The following USH2A variants were observed in gnomAD, a reference collection of about 807,000 sequenced individuals.
USH2A encodes the protein usherin.
In USH2A, 443 loss-of-function variants were observed where a neutral mutation model predicts 538.9. The observed-to-expected ratio is 0.82, with a 90% confidence interval of 0.76 to 0.89. The LOEUF (loss-of-function observed/expected upper bound fraction) is 0.89. Ranked by LOEUF, USH2A falls within the 40% of genes least tolerant of loss-of-function variation. The pLI, the probability that USH2A is intolerant of heterozygous loss-of-function variation, is 0.00. For missense variants in USH2A, 6,633 were observed against 6,324.8 expected (o/e 1.05, Z -1.65); for synonymous variants, 2,413 against 2,273.5 (o/e 1.06, Z -1.75).
At chr1:216,264,896 A>G (rs2036442935) in intron 11 of USH2A, among the ~76,000 whole-genome samples, 1 of 152,102 alleles carries the variant, frequency 6.6e-6, no homozygotes, top group Admixed American at 6.6e-5. Context: ...CCCGTCTCTC[A>G]CCATATACAA....
chr1:215,662,941 G>A (rs1450196748), intron 64 of USH2A, among the ~76,000 whole-genome samples: 1 of 152,184 alleles, frequency 6.6e-6, no homozygotes, highest in Non-Finnish European at 1.5e-5. Flanking sequence ...AAGGGTGACA[G>A]CAATAGAAAA....
chr1:215,965,626 A>G (rs1667323648), intron 36 of USH2A, 147 bp from the exon 37 acceptor site: 1 of 928,472 alleles, frequency 1.1e-6, no homozygotes, highest in Non-Finnish European at 1.6e-6. Flanking sequence ...TTTTGTCAGC[A>G]GGATCAAAGC....
chr1:216,070,600 G>A (rs2031526682), intron 29 of USH2A, among the ~76,000 whole-genome samples: 1 of 152,036 alleles, frequency 6.6e-6, no homozygotes, highest in African/African-American at 2.4e-5. Context: ...GAGGTGGATG[G>A]TAGGCAGATA....
At position 215,813,902 on chromosome 1, in the gene USH2A, A is replaced by T. The variant is rs762767600; in HGVS notation, c.9573T>A (p.Val3191=). The change falls in exon 49 of 72, where the codon GTT becomes GTA. Residue 3191 remains valine (V), a splice_region_variant and synonymous_variant. Transcript: ENST00000307340. ...GHICYSSEAK[V]CCNGVLYNPK... is the part of the protein sequence containing the mutation. ...GGTTATAGAGCACTCCGTTACAACA[A>T]ACCTGAAAGTTTGAAAACAGTTTTA... 1.2e-6 allele frequency: 2 copies of T among 1,613,722 alleles called. No homozygotes were observed. Among genetic ancestry groups the T allele is most frequent in the South Asian group, 2.2e-5 (2 of 91,082 alleles).
chr1:216,176,214 G>A (rs1277353275), intron 20 of USH2A, among the ~76,000 whole-genome samples: 1 of 151,898 alleles, frequency 6.6e-6, no homozygotes, highest in Non-Finnish European at 1.5e-5. Flanking sequence ...CAATGTGCCA[G>A]GGGTAACCTT....
At chr1:216,232,215 GA>G in intron 13 of USH2A, 79 bp from the exon 14 acceptor site, 6 of 1,446,226 alleles carry the variant, frequency 4.1e-6, no homozygotes, top group Non-Finnish European at 5.6e-6. Flanking sequence ...TGATTACACA[GA>G]AAAACAGAAT....
intron 38 of USH2A, among the ~76,000 whole-genome samples, chr1:215,903,671 T>G (rs1396892876): frequency 1.3e-5 from 2 of 152,022 alleles, no homozygotes; most frequent in Non-Finnish European, 2.9e-5. Flanking sequence ...TGTAGAGCAG[T>G]GAGTAGATTC....
chr1:215,799,025 A>C lies in USH2A; in HGVS notation c.9840T>G (p.Ile3280Met). The change falls in exon 50 of 72, where the codon ATT becomes ATG. Residue 3280 changes from isoleucine to methionine, a missense_variant. Transcript: ENST00000307340. ...CATCATGAAGCCTCCCAGCACAGCAAATCTGGTTTCCTGAGGTGGAGTACG... is the reference window on the plus strand; with the variant it reads ...CATCATGAAGCCTCCCAGCACAGCACATCTGGTTTCCTGAGGTGGAGTACG... ...RMPYSTSGNQ[I>M]CCAGRLHDGH... is the part of the protein sequence containing the mutation. 1 of 1,614,122 alleles carries C rather than the reference A, an allele frequency of 6.2e-7. No individual in the cohort carries two copies. Among genetic ancestry groups the C allele is most frequent in the Non-Finnish European group, 8.5e-7 (1 of 1,180,010 alleles).
chr1:215,780,152 G>C lies in USH2A; in HGVS notation c.10741-111C>G, dbSNP rs1168971485. 4.1e-6 allele frequency: 5 copies of C among 1,206,326 alleles called. No individual in the cohort carries two copies. The Middle Eastern group carries it at 7.2e-4, about 175-fold the overall frequency. The allele number at this position is 1,206,326 out of a possible 1,614,324, so 74.7% of individuals were successfully genotyped here. A position where few individuals can be genotyped will look rare whatever the true frequency, so the allele number is the denominator to read the frequency against. On this transcript the variant is annotated intron_variant, in intron 54 of 71. Coordinates refer to ENST00000307340, the MANE Select transcript of USH2A (RefSeq NM_206933.4). ...TGTTGTCTGGCCTGGCATATCATTA[G>C]CAGGGGCTTGGAGAAGCATTTCCCT... is the stretch of plus-strand genomic sequence containing the variant.
chr1:216,247,031 T>C lies in USH2A; in HGVS notation c.2363A>G (p.Asp788Gly). The change falls in exon 13 of 72, where the codon GAT (aspartate) becomes GGT (glycine). Residue 788 changes from aspartate to glycine, a missense_variant. Asp to Gly is a moderately conservative substitution (Grantham distance 94, BLOSUM62 -1). Coordinates refer to ENST00000307340, the MANE Select transcript of USH2A (RefSeq NM_206933.4). ...GTCACAGGCCTTACAATTGGTGACA[T>C]CTAACCCATAAAAGTTTTCTCTGCA... ...DTCRENFYGL[D>G]VTNCKACDCD... The C allele has an allele frequency of 6.2e-7, 1 of 1,614,046 alleles. No homozygotes were observed. The highest frequency in any genetic ancestry group is 8.5e-7 in the Non-Finnish European group (1 of 1,179,972).
chr1:215,847,928 A>C (rs1663909013), intron 44 of USH2A, among the ~76,000 whole-genome samples: 1 of 152,186 alleles, frequency 6.6e-6, no homozygotes, highest in Admixed American at 6.5e-5. Context: ...AATAGTTAAA[A>C]GGGTATGATG....
At chr1:216,099,364 T>C (rs1003308842) in intron 21 of USH2A, among the ~76,000 whole-genome samples, 1 of 152,146 alleles carries the variant, frequency 6.6e-6, no homozygotes, top group Non-Finnish European at 1.5e-5. Context: ...TTTTCAGTAG[T>C]CAAACACACT....
At chr1:216,078,892 G>T (rs971096208) in intron 26 of USH2A, among the ~76,000 whole-genome samples, 1 of 151,784 alleles carries the variant, frequency 6.6e-6, no homozygotes, top group Non-Finnish European at 1.5e-5. Flanking sequence ...TCAATATTTC[G>T]GTTTTATTCT....
At chr1:216,156,044 TAAAATTACGTTC>T (rs2033930720) in intron 21 of USH2A, among the ~76,000 whole-genome samples, 1 of 152,144 alleles carries the variant, frequency 6.6e-6, no homozygotes, top group Non-Finnish European at 1.5e-5. Flanking sequence ...TAAAGATGAA[TAAAATTACGTTC>T]AAAATTTTCA....
intron 67 of USH2A, among the ~76,000 whole-genome samples, chr1:215,645,135 C>T (rs1571926956): frequency 1.3e-5 from 2 of 152,008 alleles, no homozygotes; most frequent in East Asian, 1.9e-4. Context: ...TGGAAAATTA[C>T]AAGACAAGGA....
intron 30 of USH2A, among the ~76,000 whole-genome samples, chr1:216,049,922 C>G (rs2030682756): frequency 6.6e-6 from 1 of 152,160 alleles, no homozygotes; most frequent in African/African-American, 2.4e-5. Context: ...GTCATCTTAG[C>G]TCATGGCCAA....
intron 60 of USH2A, 144 bp downstream of exon 60, chr1:215,741,231 C>T: frequency 9.7e-7 from 1 of 1,027,910 alleles, no homozygotes; most frequent in Non-Finnish European, 1.4e-6. Context: ...AACAAACAAA[C>T]AAACATACAA....
intron 21 of USH2A, among the ~76,000 whole-genome samples, chr1:216,150,529 C>T (rs1013712450): frequency 6.6e-6 from 1 of 152,048 alleles, no homozygotes; most frequent in African/African-American, 2.4e-5. Flanking sequence ...CACAGCTGTC[C>T]CCGTCTTACA....
At chr1:215,766,009 G>A (rs769158063) in intron 56 of USH2A, among the ~76,000 whole-genome samples, 2 of 152,174 alleles carry the variant, frequency 1.3e-5, no homozygotes, top group Non-Finnish European at 2.9e-5. Flanking sequence ...TAGAACAGCT[G>A]TATCATGGGA....
Sources: gnomAD v4.1 joint callset for allele counts (sites outside exome capture counted in the v4.1 genomes callset) on GRCh38, gnomAD v4.1.1 for gene constraint, MANE v1.5 for transcripts, NCBI Gene and HGNC (gene_info 2026-07-23, HGNC 2026-07-21) for gene names.